Variants in SLC11A1 observed in about 807,000 individuals in gnomAD.
SLC11A1 encodes natural resistance-associated macrophage protein 1.
Under a neutral mutation model 63.2 loss-of-function variants are expected in SLC11A1, and 59 were observed. The observed-to-expected ratio is 0.93, with a 90% CI of 0.76 to 1.16. The LOEUF is 1.16. Among genes scored for constraint, SLC11A1 ranks in the 50% most tolerant of loss-of-function variants. The pLI, the probability that SLC11A1 is intolerant of heterozygous loss-of-function variation, is 0.00. For missense variants in SLC11A1, 688 were observed against 730.7 expected, an observed-to-expected ratio of 0.94 and a Z score of 0.67; for synonymous variants, 305 against 307.8, an observed-to-expected ratio of 0.99 and a Z score of 0.09.
At chr2:218,386,360 G>A (rs867879101) in intron 4 of SLC11A1, among the ~76,000 whole-genome samples, 6 of 151,930 alleles carry the variant, frequency 3.9e-5, no homozygotes, top group South Asian at 2.1e-4. Context: ...GCTGAGGCAG[G>A]AGAATCGCTT....
chr2:218,387,688 T>C, intron 7 of SLC11A1, 56 bp downstream of exon 7: 3 of 1,611,872 alleles, frequency 1.9e-6, no homozygotes, highest in South Asian at 1.1e-5. Context: ...TTCCTCTCCC[T>C]TCCCTCTGGC....
At position 218,392,985 on chromosome 2, in the gene SLC11A1, T is replaced by C; in HGVS notation, c.1169T>C (p.Phe390Ser). Reference protein sequence around the residue: ...TYAGQFVMEGFLRLRWSRFAR... With the variant: ...TYAGQFVMEGSLRLRWSRFAR... ...AGGAGTTCACCCCCACCCCAGGGCT[T>C]CCTGAGGCTGCGGTGGTCACGCTTC... The change falls in exon 12 of 15, where the codon TTC becomes TCC. Residue 390 changes from phenylalanine (F) to serine (S), a missense_variant. By Grantham distance (155) the Phe-to-Ser change is radical. Coordinates refer to ENST00000233202, the MANE Select transcript of SLC11A1 (RefSeq NM_000578.4). 6.3e-7 allele frequency: 1 copy of C among 1,591,424 alleles called. No individual in the cohort carries two copies. Among genetic ancestry groups the C allele is most frequent in the Non-Finnish European group, 8.5e-7 (1 of 1,172,088 alleles).
chr2:218,388,140 C>A (rs1030431223), intron 8 of SLC11A1, 185 bp downstream of exon 8: 2 of 661,878 alleles, frequency 3.0e-6, no homozygotes, highest in Admixed American at 3.3e-5. Context: ...GAGGCGGAGG[C>A]GGGCGGATCA....
rs376343353 is a variant in SLC11A1 at position 218,382,332 on chromosome 2, C to A, written c.-37C>A. 3.0e-4 allele frequency: 482 copies of A among 1,612,010 alleles called. 2 individuals are homozygous for A. In the African/African-American group the frequency reaches 5.7e-3, roughly 19 times the overall value. ...CAGGCTGAGGAGCTGCCCAGAGCACCGCTCACACTCCCAGAGTACCTGAAG... is the reference window on the plus strand; with the variant it reads ...CAGGCTGAGGAGCTGCCCAGAGCACAGCTCACACTCCCAGAGTACCTGAAG... On this transcript the variant is annotated 5_prime_UTR_variant, in exon 1 of 15. Coordinates refer to ENST00000233202, the MANE Select transcript of SLC11A1 (RefSeq NM_000578.4).
At chr2:218,382,939 A>G (rs72959199) in intron 1 of SLC11A1, 21 bp from the exon 2 acceptor site, 13 of 1,613,992 alleles carry the variant, frequency 8.1e-6, no homozygotes, top group South Asian at 2.2e-5. Context: ...GACACTCACC[A>G]TGCTTCATGG....
At chr2:218,394,832 A>G (rs1696666101) in intron 14 of SLC11A1, 47 bp downstream of exon 14, 1 of 1,609,078 alleles carries the variant, frequency 6.2e-7, no homozygotes. Context: ...AGGGAAGGAC[A>G]AGAGGCAACC....
intron 8 of SLC11A1, among the ~76,000 whole-genome samples, chr2:218,389,448 G>A (rs1298988131): frequency 6.6e-6 from 1 of 152,072 alleles, no homozygotes; most frequent in Non-Finnish European, 1.5e-5. Flanking sequence ...AGCTACTTAG[G>A]AGGCTGGGGC....
Position 218,394,177 on chromosome 2 carries a change from G to A in SLC11A1, c.1372G>A (p.Glu458Lys). 6.2e-7 allele frequency: 1 copy of A among 1,614,128 alleles called. No individual in the cohort carries two copies. The highest frequency in any genetic ancestry group is 8.5e-7 in the Non-Finnish European group (1 of 1,180,000). ...CACCAGCATGCCCACCCTCATGCAG[G>A]AGTTTGCCAATGGCCTGTGAGTACC... ...TFTSMPTLMQ[E>K]FANGLLNKVV... The change falls in exon 13 of 15, where the codon GAG (glutamate) becomes AAG (lysine). Residue 458 changes from glutamate (E) to lysine (K), a missense_variant. Transcript: ENST00000233202.
intron 11 of SLC11A1, chr2:218,391,896 T>C: frequency 3.7e-6 from 1 of 269,842 alleles, no homozygotes; most frequent in South Asian, 3.3e-5. Flanking sequence ...GTGCTGGAAT[T>C]ACAGGTGTGA....
chr2:218,394,375 G>A lies in SLC11A1; in HGVS notation c.1388+182G>A, dbSNP rs1274053512. 4.2e-6 allele frequency: 3 copies of A among 716,122 alleles called. No homozygotes were observed. The African/African-American group carries it at 5.4e-5, about 13-fold the overall frequency. The allele number at this position is 716,122 out of a possible 1,614,324, so 44.4% of individuals were successfully genotyped here. On this transcript the variant is annotated intron_variant, in intron 13 of 14. Coordinates refer to ENST00000233202, the MANE Select transcript of SLC11A1 (RefSeq NM_000578.4). ...TGAGGAGCCAAGACTGGAATCCAGG[G>A]AAGAGGGCTGTTTCTAGAGCCTGAG...
chr2:218,384,234 C>T lies in SLC11A1; in HGVS notation c.151-9C>T, dbSNP rs745698916. Reference sequence around the variant, plus strand: ...ACCCCCTCACTCTACTCCTCCCACCCCCCAACAGGGCACCTTCAGCCTGCG... The same window carrying T: ...ACCCCCTCACTCTACTCCTCCCACCTCCCAACAGGGCACCTTCAGCCTGCG... On this transcript the variant is annotated splice_polypyrimidine_tract_variant and intron_variant, in intron 2 of 14. Transcript: ENST00000233202. The surrounding 1 kb of genome is among the most constrained non-coding windows in gnomAD (Gnocchi z 4.0). 1.3e-6 allele frequency: 2 copies of T among 1,589,686 alleles called. No homozygotes were observed. The highest frequency in any genetic ancestry group is 1.7e-6 in the Non-Finnish European group (2 of 1,162,892).
Position 218,385,140 on chromosome 2 carries a change from C to T in SLC11A1, c.274-7C>T, listed in dbSNP as rs746427747. The T allele has an allele frequency of 5.7e-5, 92 of 1,613,398 alleles. No individual in the cohort carries two copies. The highest frequency in any genetic ancestry group is 7.5e-5 in the Non-Finnish European group (89 of 1,179,750). The stretch of plus-strand genomic sequence containing the variant: ...CTGGCTGAAGGCCTCTCCCTGCCTC[C>T]TCACAGCTTCTCTGGGTGCTGCTCT... On this transcript the variant is annotated splice_polypyrimidine_tract_variant and splice_region_variant and intron_variant, in intron 3 of 14. Transcript: ENST00000233202.
Position 218,383,011 on chromosome 2 carries a change from G to A in SLC11A1, c.59G>A (p.Ser20Asn). The A allele has an allele frequency of 6.2e-7, 1 of 1,611,456 alleles. No homozygotes were observed. Among genetic ancestry groups the A allele is most frequent in the African/African-American group, 1.4e-5 (1 of 72,976 alleles). The stretch of plus-strand genomic sequence containing the variant: ...GGGTCCAGCTATGGTTCCATCTCCA[G>A]CCCGACCAGCCCGACCAGCCCAGGG... Reference protein sequence around the residue: ...LSGSSYGSISSPTSPTSPGPQ... With the variant: ...LSGSSYGSISNPTSPTSPGPQ... The change falls in exon 2 of 15, where the codon AGC (serine) becomes AAC (asparagine). Residue 20 changes from serine to asparagine, a missense_variant. Physicochemically the swap from Ser to Asn is conservative, Grantham distance 46. Transcript: ENST00000233202.
intron 4 of SLC11A1, 156 bp downstream of exon 4, chr2:218,385,422 G>C (rs760229373): frequency 9.4e-7 from 1 of 1,069,110 alleles, no homozygotes. Context: ...TCGGAGTCTC[G>C]CTCCGTCGCC....
Position 218,391,419 on chromosome 2 carries a change from T to A in SLC11A1, c.1088T>A (p.Ile363Asn). 3 of 1,613,900 alleles carry A rather than the reference T, an allele frequency of 1.9e-6. No individual in the cohort carries two copies. The highest frequency in any genetic ancestry group is 2.5e-6 in the Non-Finnish European group (3 of 1,179,900). Residue 363 changes from isoleucine (I) to asparagine (N), a missense_variant, in exon 11 of 15, where the codon ATC (isoleucine) becomes AAC (asparagine). Coordinates refer to ENST00000233202, the MANE Select transcript of SLC11A1 (RefSeq NM_000578.4). Reference sequence around the variant, plus strand: ...CTGTTCGGCCCCGCGGCCCTCTACATCTGGGCCATAGGTCTCCTGGCGGCT... The same window carrying A: ...CTGTTCGGCCCCGCGGCCCTCTACAACTGGGCCATAGGTCTCCTGGCGGCT... ...GCLFGPAALY[I>N]WAIGLLAAGQ...
Position 218,393,049 on chromosome 2 carries a change from C to G in SLC11A1, c.1233C>G (p.Pro411=), listed in dbSNP as rs759768393. ...TCACCCGCTCCTGCGCCATCCTGCCCACCGTGCTCGTGGCTGTCTTCCGGG... is the reference window on the plus strand; with the variant it reads ...TCACCCGCTCCTGCGCCATCCTGCCGACCGTGCTCGTGGCTGTCTTCCGGG... The part of the protein sequence containing the change: ...VLLTRSCAIL[P]TVLVAVFRDL... The change falls in exon 12 of 15, where the codon CCC becomes CCG. Residue 411 remains proline, a synonymous_variant. Coordinates refer to ENST00000233202, the MANE Select transcript of SLC11A1 (RefSeq NM_000578.4). 5 of 1,600,362 alleles carry G rather than the reference C, an allele frequency of 3.1e-6. No individual in the cohort carries two copies. Among genetic ancestry groups the G allele is most frequent in the Non-Finnish European group, 4.2e-6 (5 of 1,176,902 alleles).
In SLC11A1 at chr2:218,394,043, C is replaced by A; in HGVS notation, c.1315-77C>A. 2.7e-6 allele frequency: 4 copies of A among 1,477,422 alleles called. No homozygotes were observed. In the South Asian group the frequency reaches 4.7e-5, roughly 17 times the overall value. 91.5% of individuals were successfully genotyped at this position (1,477,422 alleles called of 1,614,324 possible). ...TCACACCCACACAGAGGGTGTCAAG[C>A]CACGCCCATCTTGCCCCCACCCTTG... is the stretch of plus-strand genomic sequence containing the variant. On this transcript the variant is annotated intron_variant, in intron 12 of 14. Coordinates refer to ENST00000233202, the MANE Select transcript of SLC11A1 (RefSeq NM_000578.4).
chr2:218,387,806 G>T lies in SLC11A1; in HGVS notation c.646G>T (p.Val216Leu). 6.2e-7 allele frequency: 1 copy of T among 1,609,172 alleles called. No homozygotes were observed. Among genetic ancestry groups the T allele is most frequent in the Non-Finnish European group, 8.5e-7 (1 of 1,177,956 alleles). ...MALTFGYEYV[V>L]ARPEQGALLR... is the part of the protein sequence containing the mutation. Reference sequence around the variant, plus strand: ...ACCAGGCTCCTCCCTGCAGTATGTGGTGGCGCGTCCTGAGCAGGGAGCGCT... The same window carrying T: ...ACCAGGCTCCTCCCTGCAGTATGTGTTGGCGCGTCCTGAGCAGGGAGCGCT... Residue 216 changes from valine to leucine, a missense_variant, in exon 8 of 15, where the codon GTG becomes TTG. Transcript: ENST00000233202.
chr2:218,395,932 G>A lies in SLC11A1; in HGVS notation c.*897G>A, dbSNP rs1254108603. On this transcript the variant is annotated 3_prime_UTR_variant, in exon 15 of 15. Transcript: ENST00000233202. ...CCCATTTTCCAGACAGTAAAACGGC[G>A]GCGCACTTCTTTCTCCGTCAGGCAC... is the stretch of plus-strand genomic sequence containing the variant. 2 of 152,450 alleles carry A rather than the reference G, an allele frequency of 1.3e-5. No homozygotes were observed. The highest frequency in any genetic ancestry group is 1.3e-4 in the Admixed American group (2 of 15,278). 9.4% of individuals were successfully genotyped at this position (152,450 alleles called of 1,614,324 possible).
Sources: gnomAD v4.1 joint callset for allele counts (sites outside exome capture counted in the v4.1 genomes callset) on GRCh38, gnomAD v4.1.1 for gene constraint, Gnocchi (gnomAD v3.1) non-coding constraint, MANE v1.5 for transcripts, NCBI Gene and HGNC (gene_info 2026-07-23, HGNC 2026-07-21) for gene names.